The following HDAC9 variants were observed in gnomAD, a reference collection of about 807,000 sequenced individuals.
The protein encoded by HDAC9 is histone deacetylase 9, also known as MEF-2 interacting transcription repressor (MITR) protein.
Under a neutral mutation model 139.4 loss-of-function variants are expected in HDAC9, and 41 were observed. The ratio of observed to expected loss-of-function variants is 0.29; its 90% CI spans 0.23 to 0.38. The LOEUF (loss-of-function observed/expected upper bound fraction) is 0.38. Ranked by LOEUF, HDAC9 falls within the 10% of genes least tolerant of loss-of-function variation. The probability of loss-of-function intolerance (pLI) is 1.00; values close to 1 mark genes in which losing one functional copy is unlikely to be tolerated. For missense variants in HDAC9, 1,147 were observed against 1,297.0 expected (o/e 0.88, Z 1.78); for synonymous variants, 517 against 476.2 (o/e 1.09, Z -1.12).
In HDAC9 at chr7:18,339,605, C is replaced by T. The variant is rs146117031; in HGVS notation, c.-42+49090C>T. ...TACACCTTACAGTTATACACTAAAA[C>T]ATAAAAATAACATATTTCCTATTTT... On this transcript the variant is annotated intron_variant, in intron 1 of 3. Transcript: ENST00000413509. Among the ~76,000 whole-genome samples, 424 of 151,520 alleles carry T rather than the reference C, an allele frequency of 2.8e-3. 2 individuals carry two copies. Among genetic ancestry groups the T allele is most frequent in the African/African-American group, 9.4e-3 (391 of 41,462 alleles).
At chr7:18,256,697 G>A (rs995612729) in intron 2 of HDAC9, among the ~76,000 whole-genome samples, 2 of 151,998 alleles carry the variant, frequency 1.3e-5, no homozygotes, top group Admixed American at 1.3e-4. Flanking sequence ...AACTGTGGTG[G>A]GTATATTTTC....
intron 1 of HDAC9, among the ~76,000 whole-genome samples, chr7:18,130,508 T>C (rs544493147): frequency 6.6e-6 from 1 of 152,100 alleles, no homozygotes; most frequent in Non-Finnish European, 1.5e-5. Context: ...GTAACAGCTT[T>C]ATTGAGATAT....
chr7:18,995,136 T>TTGTTCATGGTTTA (rs1330512014), intron 25 of HDAC9, among the ~76,000 whole-genome samples: 5 of 152,234 alleles, frequency 3.3e-5, no homozygotes, highest in Admixed American at 6.5e-5. Context: ...GAACATCATT[T>TTGTTCATGGTTTA]TGTTCATGGT....
intron 22 of HDAC9, among the ~76,000 whole-genome samples, chr7:18,895,440 G>A (rs1306290343): frequency 2.6e-5 from 4 of 152,030 alleles, no homozygotes; most frequent in Non-Finnish European, 2.9e-5. Context: ...AAAGCTAGAA[G>A]GTGATAATAA....
intron 1 of HDAC9, among the ~76,000 whole-genome samples, chr7:18,107,483 A>G (rs1783304052): frequency 6.6e-6 from 1 of 152,122 alleles, no homozygotes; most frequent in East Asian, 1.9e-4. Flanking sequence ...GGCTTCATTG[A>G]AATACAACTT....
intron 2 of HDAC9, among the ~76,000 whole-genome samples, chr7:18,512,144 A>G (rs1384022053): frequency 6.6e-6 from 1 of 152,180 alleles, no homozygotes; most frequent in Non-Finnish European, 1.5e-5. Context: ...TTGTTGACCA[A>G]AACCCATTCA....
intron 1 of HDAC9, among the ~76,000 whole-genome samples, chr7:18,483,230 T>C (rs1041923907): frequency 8.5e-5 from 13 of 152,168 alleles, no homozygotes; most frequent in African/African-American, 2.9e-4. Flanking sequence ...ATGAGTATTA[T>C]GTAAATGGGT....
intron 2 of HDAC9, among the ~76,000 whole-genome samples, chr7:18,197,072 T>G (rs1004214805): frequency 3.9e-5 from 6 of 152,158 alleles, no homozygotes; most frequent in Non-Finnish European, 5.9e-5. Context: ...ACCCCCCTTA[T>G]GTAAGAGAGA....
intron 1 of HDAC9, among the ~76,000 whole-genome samples, chr7:18,113,974 T>C (rs1356543208): frequency 1.3e-5 from 2 of 152,224 alleles, no homozygotes; most frequent in Non-Finnish European, 2.9e-5. Flanking sequence ...GCTATCACTT[T>C]GAGCCTAACA....
intron 1 of HDAC9, among the ~76,000 whole-genome samples, chr7:18,395,715 C>G (rs372422360): frequency 6.6e-6 from 1 of 152,092 alleles, no homozygotes; most frequent in African/African-American, 2.4e-5. Context: ...ACATATTAGA[C>G]TTTTTAAACA....
intron 6 of HDAC9, among the ~76,000 whole-genome samples, chr7:18,611,913 C>T (rs182294863): frequency 5.1e-4 from 77 of 152,156 alleles, no homozygotes; most frequent in African/African-American, 1.8e-3. Context: ...CTTTCTGCAT[C>T]GAAATATTTA....
At chr7:18,232,256 A>G (rs2389937) in intron 2 of HDAC9, among the ~76,000 whole-genome samples, 1 of 152,086 alleles carries the variant, frequency 6.6e-6, no homozygotes, top group Non-Finnish European at 1.5e-5. Context: ...TTGTTCCTAG[A>G]GGATCCAAAA....
At chr7:18,170,295 T>A (rs1788327870) in intron 2 of HDAC9, among the ~76,000 whole-genome samples, 1 of 152,224 alleles carries the variant, frequency 6.6e-6, no homozygotes, top group Non-Finnish European at 1.5e-5. Flanking sequence ...TTGCACACTT[T>A]TTGATGGGCT....
At chr7:18,820,575 C>T (rs147967332) in intron 17 of HDAC9, among the ~76,000 whole-genome samples, 18 of 152,132 alleles carry the variant, frequency 1.2e-4, no homozygotes, top group Admixed American at 2.6e-4. Context: ...AAATCGGGGG[C>T]CCTTGAGAGA....
rs969739966 is a variant in HDAC9, at chr7:18,893,861, A to C, written c.2803+19265A>C. Among the ~76,000 whole-genome samples the C allele has an allele frequency of 7.2e-5, 11 of 152,294 alleles. No homozygotes were observed. In the Middle Eastern group the frequency reaches 0.014, roughly 188 times the overall value. ...GAAGAGCTGAAGGTGATAAAGGAGC[A>C]AGCTGTGAAACTATCATAGGGAGGA... On this transcript the variant is annotated intron_variant, in intron 22 of 25. Coordinates refer to ENST00000686413, the MANE Select transcript of HDAC9 (RefSeq NM_178425.4).
At chr7:18,731,789 C>A (rs918477363) in intron 13 of HDAC9, among the ~76,000 whole-genome samples, 5 of 152,038 alleles carry the variant, frequency 3.3e-5, no homozygotes, top group Non-Finnish European at 7.4e-5. Context: ...CCACACCCAG[C>A]TAATTTTTGT....
intron 1 of HDAC9, among the ~76,000 whole-genome samples, chr7:18,453,078 T>C (rs374392715): frequency 2.6e-5 from 4 of 152,322 alleles, no homozygotes; most frequent in South Asian, 2.1e-4. Flanking sequence ...AAAGTATTCA[T>C]TGAATGAATT....
intron 16 of HDAC9, among the ~76,000 whole-genome samples, chr7:18,777,095 G>T (rs967191375): frequency 1.3e-5 from 2 of 151,856 alleles, no homozygotes; most frequent in African/African-American, 4.8e-5. Context: ...TGGGGGTGGG[G>T]GCACACTTAC....
intron 1 of HDAC9, among the ~76,000 whole-genome samples, chr7:18,423,840 C>A (rs1164315191): frequency 1.3e-5 from 2 of 152,166 alleles, no homozygotes; most frequent in East Asian, 1.9e-4. Context: ...TGGGCCAAAG[C>A]AAGTCACAGT....
Sources: allele counts gnomAD v4.1 joint callset (sites outside exome capture counted in the v4.1 genomes callset), GRCh38; gene constraint gnomAD v4.1.1; transcripts MANE v1.5; gene names NCBI Gene and HGNC (gene_info 2026-07-23, HGNC 2026-07-21).